The following HERC2 variants were observed in gnomAD, a reference collection of about 807,000 sequenced individuals.
The protein encoded by HERC2 is E3 ubiquitin-protein ligase HERC2.
In HERC2, 102 loss-of-function variants were observed where a neutral mutation model predicts 537.7. The observed-to-expected ratio is 0.19, with a 90% CI of 0.16 to 0.22. The LOEUF (loss-of-function observed/expected upper bound fraction) is 0.22. Ranked by LOEUF, HERC2 falls within the 10% of genes least tolerant of loss-of-function variation. HERC2 has a pLI of 1.00. For missense variants in HERC2, 4,236 were observed against 6,198.2 expected, an observed-to-expected ratio of 0.68 and a Z score of 10.63; for synonymous variants, 2,224 against 2,466.2, an observed-to-expected ratio of 0.90 and a Z score of 2.91.
At chr15:28,301,635 C>CAA (rs553654442) in intron 2 of HERC2, among the ~76,000 whole-genome samples, 37 of 106,874 alleles carry the variant, frequency 3.5e-4, no homozygotes, top group African/African-American at 1.0e-3. Flanking sequence ...CCTTGTCTGG[C>CAA]AAAAAAAAAA....
At chr15:28,287,612 G>C (rs1318146332) in intron 4 of HERC2, among the ~76,000 whole-genome samples, 11 of 151,952 alleles carry the variant, frequency 7.2e-5, no homozygotes, top group African/African-American at 2.7e-4. Context: ...CACTGACTTA[G>C]GAGCTTCAAA....
intron 4 of HERC2, among the ~76,000 whole-genome samples, chr15:28,281,232 T>C (rs1372872181): frequency 3.3e-5 from 5 of 152,222 alleles, no homozygotes; most frequent in African/African-American, 1.2e-4. Flanking sequence ...TGTAAGTAGC[T>C]AGAAGGCAAT....
intron 78 of HERC2, among the ~76,000 whole-genome samples, chr15:28,136,980 G>A (rs1357551156): frequency 6.6e-6 from 1 of 151,740 alleles, no homozygotes. Context: ...AGTAAGCAAA[G>A]ATGTGCAACA....
At chr15:28,164,412 G>T (rs1893925431) in intron 68 of HERC2, among the ~76,000 whole-genome samples, 3 of 152,172 alleles carry the variant, frequency 2.0e-5, no homozygotes, top group Non-Finnish European at 4.4e-5. Context: ...GGAGACACAA[G>T]GAGTAAGGGA....
intron 70 of HERC2, among the ~76,000 whole-genome samples, chr15:28,147,387 G>A (rs1316772475): frequency 3.3e-5 from 5 of 152,160 alleles, no homozygotes; most frequent in South Asian, 2.1e-4. Flanking sequence ...TTAGCACTTC[G>A]GGAGGCCGAG....
chr15:28,113,440 G>T lies in HERC2; in HGVS notation c.14019+133C>A. Reference sequence around the variant, plus strand: ...ACACACAGCCTCCTGCAGGCGGGTGGAGGGACGCGCTCAGAGTGCACTCCC... The same window carrying T: ...ACACACAGCCTCCTGCAGGCGGGTGTAGGGACGCGCTCAGAGTGCACTCCC... On this transcript the variant is annotated intron_variant, in intron 91 of 92. Transcript: ENST00000261609. This position sits in a 1 kb window ranked among gnomAD's most constrained non-coding sequence, Gnocchi z 7.0. 1 of 1,057,298 alleles carries T rather than the reference G, an allele frequency of 9.5e-7. No individual in the cohort carries two copies. The allele number at this position is 1,057,298 out of a possible 1,614,324, so 65.5% of individuals were successfully genotyped here. A position where few individuals can be genotyped will look rare whatever the true frequency, so the allele number is the denominator to read the frequency against.
Position 28,177,410 on chromosome 15 carries a change from TA to T in HERC2, c.9254+8del, listed in dbSNP as rs761207806. 3.4e-5 allele frequency: 55 copies of T among 1,612,192 alleles called. No homozygotes were observed. Among genetic ancestry groups the T allele is most frequent in the Non-Finnish European group, 8.5e-6 (10 of 1,178,320 alleles). On this transcript the variant is annotated splice_region_variant and intron_variant, in intron 60 of 92. Coordinates refer to ENST00000261609, the MANE Select transcript of HERC2 (RefSeq NM_004667.6). The surrounding 1 kb of genome is among the most constrained non-coding windows in gnomAD (Gnocchi z 5.0). ...TATTAGCAAATGAGACTAAAAAAAG[TA>T]CCCTTACATTCTGCTGAAGTGTCCA... is the stretch of plus-strand genomic sequence containing the variant.
chr15:28,147,010 T>C lies in HERC2; in HGVS notation c.10901-666A>G, dbSNP rs568198643. Among the ~76,000 whole-genome samples, 270 of 136,678 alleles carry C rather than the reference T, an allele frequency of 2.0e-3. 2 individuals carry two copies. Among genetic ancestry groups the C allele is most frequent in the Non-Finnish European group, 3.2e-3 (208 of 64,580 alleles). The allele number at this position is 136,678 out of a possible 152,430, so 89.7% of individuals were successfully genotyped here. The stretch of plus-strand genomic sequence containing the variant: ...TAAGATACTATCTCTGCATGCTCTG[T>C]TGGGAGCTGATTCTGGGGGGGCCGC... On this transcript the variant is annotated intron_variant, in intron 70 of 92. Transcript: ENST00000261609.
At chr15:28,310,291 C>CA in intron 2 of HERC2, among the ~76,000 whole-genome samples, 1 of 152,086 alleles carries the variant, frequency 6.6e-6, no homozygotes, top group East Asian at 1.9e-4. Context: ...ACCAAAAATA[C>CA]AAAAAATTAG....
At chr15:28,242,377 G>A (rs1377529387) in intron 23 of HERC2, among the ~76,000 whole-genome samples, 7 of 152,134 alleles carry the variant, frequency 4.6e-5, no homozygotes, top group Admixed American at 4.6e-4. Context: ...CACAACTTTG[G>A]TTACCAAAAC....
intron 79 of HERC2, among the ~76,000 whole-genome samples, chr15:28,133,409 A>G (rs950170347): frequency 3.3e-5 from 5 of 152,164 alleles, no homozygotes; most frequent in African/African-American, 1.2e-4. Flanking sequence ...TGTGGTTTCA[A>G]TCTCTTCATA....
intron 16 of HERC2, among the ~76,000 whole-genome samples, chr15:28,258,491 ATCAT>A (rs2075329058): frequency 6.6e-6 from 1 of 152,256 alleles, no homozygotes; most frequent in East Asian, 1.9e-4. Context: ...AATAATAATA[ATCAT>A]CCATGGGTCA....
At position 28,115,537 on chromosome 15, in the gene HERC2, C is replaced by G. The variant is rs760871594; in HGVS notation, c.13614G>C (p.Val4538=). The G allele has an allele frequency of 6.2e-7, 1 of 1,611,920 alleles. No homozygotes were observed. Among genetic ancestry groups the G allele is most frequent in the East Asian group, 2.2e-5 (1 of 44,850 alleles). Residue 4538 remains valine, a synonymous_variant, in exon 89 of 93, where the codon GTG becomes GTC. Transcript: ENST00000261609. Reference sequence around the variant, plus strand: ...CGGTTCGGATGGCAATGCCCAGCAACACACCTGATCATTCAGGACACAAGT... The same window carrying G: ...CGGTTCGGATGGCAATGCCCAGCAAGACACCTGATCATTCAGGACACAAGT... ...VHSSMFRFLG[V]LLGIAIRTGS... is the part of the protein sequence containing the mutation.
At chr15:28,294,641 G>GTT (rs994306132) in intron 3 of HERC2, among the ~76,000 whole-genome samples, 2 of 151,562 alleles carry the variant, frequency 1.3e-5, no homozygotes, top group African/African-American at 4.8e-5. Context: ...CCGGCCCAGA[G>GTT]TTATTCAAAC....
chr15:28,231,792 G>A (rs2140624314), intron 30 of HERC2, among the ~76,000 whole-genome samples: 1 of 151,282 alleles, frequency 6.6e-6, no homozygotes, highest in African/African-American at 2.4e-5. Flanking sequence ...CCCTGACACA[G>A]CAACAGGAAT....
intron 68 of HERC2, 54 bp downstream of exon 68, chr15:28,167,633 G>A: frequency 6.3e-7 from 1 of 1,595,612 alleles, no homozygotes; most frequent in Non-Finnish European, 8.6e-7. Flanking sequence ...TTCTACTTCT[G>A]TGTACATTTA....
Position 28,260,811 on chromosome 15 carries a change from T to C in HERC2, c.2282A>G (p.Lys761Arg), listed in dbSNP as rs377384709. The change falls in exon 16 of 93, where the codon AAA becomes AGA. Residue 761 changes from lysine (K) to arginine (R), a missense_variant. By Grantham distance (26) the Lys-to-Arg change is conservative. Coordinates refer to ENST00000261609, the MANE Select transcript of HERC2 (RefSeq NM_004667.6). ...EPAALPGLDTKHIVGIACGPA... is the reference protein window; with the variant it reads ...EPAALPGLDTRHIVGIACGPA... ...CCCACAGGCAATTCCCACTATGTGT[T>C]TGGTGTCCAGTCCTGGCAATGCTGC... 1.2e-5 allele frequency: 19 copies of C among 1,614,092 alleles called. No individual in the cohort carries two copies. The highest frequency in any genetic ancestry group is 1.7e-5 in the Admixed American group (1 of 60,002).
intron 4 of HERC2, among the ~76,000 whole-genome samples, chr15:28,281,745 GTGAAAGAC>G (rs890198851): frequency 3.9e-5 from 6 of 152,220 alleles, no homozygotes; most frequent in Non-Finnish European, 5.9e-5. Context: ...AGATGGAGAA[GTGAAAGAC>G]TGAAAGGTAA....
chr15:28,241,548 G>A (rs972776429), intron 23 of HERC2, among the ~76,000 whole-genome samples: 6 of 152,164 alleles, frequency 3.9e-5, no homozygotes, highest in Admixed American at 6.5e-5. Flanking sequence ...CAGGCCGGGC[G>A]CAGTGGCTCC....
Sources: gnomAD v4.1 joint callset for allele counts (sites outside exome capture counted in the v4.1 genomes callset) on GRCh38, gnomAD v4.1.1 for gene constraint, Gnocchi (gnomAD v3.1) non-coding constraint, MANE v1.5 for transcripts, NCBI Gene and HGNC (gene_info 2026-07-23, HGNC 2026-07-21) for gene names.